The following EPHA6 variants were observed in gnomAD, a reference collection of about 807,000 sequenced individuals.
EPHA6 encodes the protein EPH receptor A6.
Under a neutral mutation model 112.0 loss-of-function variants are expected in EPHA6, and 50 were observed. The observed-to-expected ratio is 0.45, with a 90% CI of 0.36 to 0.56. The LOEUF is 0.56. Among genes scored for constraint, EPHA6 ranks in the 20% least tolerant of loss-of-function variants. EPHA6 has a pLI of 0.00. For synonymous variants in EPHA6, 529 were observed against 490.7 expected, an observed-to-expected ratio of 1.08 and a Z score of -1.03; for missense variants, 1,280 against 1,417.4, an observed-to-expected ratio of 0.90 and a Z score of 1.56.
chr3:97,675,933 G>A (rs997937687), intron 14 of EPHA6, among the ~76,000 whole-genome samples: 2 of 152,132 alleles, frequency 1.3e-5, no homozygotes, highest in Non-Finnish European at 2.9e-5. Context: ...CATTCCTATT[G>A]CATTGGATGT....
At chr3:97,014,718 G>T (rs561059062) in intron 3 of EPHA6, among the ~76,000 whole-genome samples, 80 of 152,182 alleles carry the variant, frequency 5.3e-4, no homozygotes, top group Middle Eastern at 3.4e-3. Flanking sequence ...CATTGCACGT[G>T]GAATGTTTCT....
At chr3:97,069,033 T>C (rs2046271932) in intron 3 of EPHA6, among the ~76,000 whole-genome samples, 1 of 152,112 alleles carries the variant, frequency 6.6e-6, no homozygotes, top group Non-Finnish European at 1.5e-5. Flanking sequence ...CACACACTTA[T>C]AATTGACCCT....
chr3:97,009,985 G>GC (rs1553687419), intron 3 of EPHA6: 1 of 513,642 alleles, frequency 1.9e-6, no homozygotes, highest in African/African-American at 2.1e-5. Flanking sequence ...GCTTATCATT[G>GC]TTTTTTTTTT....
At chr3:97,381,178 C>A (rs2085706973) in intron 5 of EPHA6, among the ~76,000 whole-genome samples, 1 of 151,900 alleles carries the variant, frequency 6.6e-6, no homozygotes, top group Non-Finnish European at 1.5e-5. Context: ...CACTTGAGGG[C>A]ATTTGAGCTA....
intron 2 of EPHA6, among the ~76,000 whole-genome samples, chr3:96,974,206 A>C (rs1168922552): frequency 2.0e-5 from 3 of 147,320 alleles, no homozygotes; most frequent in African/African-American, 4.9e-5. Context: ...TTAAAATTAT[A>C]TTATTAATTA....
At chr3:97,436,052 T>G (rs1159834843) in intron 6 of EPHA6, among the ~76,000 whole-genome samples, 1 of 152,182 alleles carries the variant, frequency 6.6e-6, no homozygotes, top group East Asian at 1.9e-4. Flanking sequence ...AGTGATGAGA[T>G]ATTTAGTTCC....
At chr3:97,407,400 G>A (rs937662773) in intron 6 of EPHA6, among the ~76,000 whole-genome samples, 1 of 151,024 alleles carries the variant, frequency 6.6e-6, no homozygotes. Context: ...TCACCATAGA[G>A]AGCAGTATTC....
chr3:96,894,200 G>A (rs949619034), intron 2 of EPHA6, among the ~76,000 whole-genome samples: 6 of 152,118 alleles, frequency 3.9e-5, no homozygotes, highest in African/African-American at 1.4e-4. Flanking sequence ...AGAACACACT[G>A]CCAATGTGTT....
intron 3 of EPHA6, among the ~76,000 whole-genome samples, chr3:97,151,806 GCAT>G (rs2076177707): frequency 1.3e-5 from 2 of 151,650 alleles, no homozygotes; most frequent in South Asian, 4.2e-4. Context: ...TAACTTTGTG[GCAT>G]CATGAAAATT....
intron 3 of EPHA6, among the ~76,000 whole-genome samples, chr3:97,224,592 ATTC>A (rs1411541621): frequency 2.0e-5 from 3 of 152,172 alleles, no homozygotes; most frequent in Admixed American, 6.5e-5. Flanking sequence ...TATGCTTATA[ATTC>A]TTCTTTATGT....
intron 1 of EPHA6, among the ~76,000 whole-genome samples, chr3:96,854,421 G>A (rs1014926371): frequency 6.6e-6 from 1 of 151,436 alleles, no homozygotes; most frequent in Non-Finnish European, 1.5e-5. Flanking sequence ...TTTATTAAGA[G>A]ATTTTTCTAT....
chr3:97,710,353 G>C (rs1286521184), intron 14 of EPHA6, among the ~76,000 whole-genome samples: 2 of 152,222 alleles, frequency 1.3e-5, no homozygotes, highest in East Asian at 3.8e-4. Flanking sequence ...TAAGGTCACT[G>C]TTCCATTCTA....
At chr3:97,358,580 G>A (rs1286997633) in intron 5 of EPHA6, among the ~76,000 whole-genome samples, 2 of 151,890 alleles carry the variant, frequency 1.3e-5, no homozygotes, top group Non-Finnish European at 2.9e-5. Context: ...ACAAAAAGTG[G>A]AGTTAGAAAC....
At chr3:97,334,318 T>A (rs937623525) in intron 5 of EPHA6, among the ~76,000 whole-genome samples, 2 of 152,144 alleles carry the variant, frequency 1.3e-5, no homozygotes, top group African/African-American at 4.8e-5. Context: ...TTAAAAAGCA[T>A]TCTCTACTCT....
chr3:96,887,589 CT>C (rs1559802085), intron 2 of EPHA6, among the ~76,000 whole-genome samples: 3 of 152,190 alleles, frequency 2.0e-5, no homozygotes, highest in African/African-American at 7.2e-5. Context: ...GGAGGTTATG[CT>C]CTCCAGAGAG....
intron 10 of EPHA6, among the ~76,000 whole-genome samples, chr3:97,498,329 G>T (rs939852799): frequency 1.1e-5 from 1 of 94,320 alleles, no homozygotes; most frequent in Admixed American, 1.1e-4. Flanking sequence ...AAAGAAAATA[G>T]CAAAAAAAAA....
At chr3:97,008,997 C>T (rs1051474527) in intron 3 of EPHA6, among the ~76,000 whole-genome samples, 1 of 152,084 alleles carries the variant, frequency 6.6e-6, no homozygotes, top group Non-Finnish European at 1.5e-5. Context: ...AAGATGGGTG[C>T]CTTCTCCTTC....
At chr3:97,139,132 T>C (rs1354175673) in intron 3 of EPHA6, among the ~76,000 whole-genome samples, 3 of 152,196 alleles carry the variant, frequency 2.0e-5, no homozygotes, top group Non-Finnish European at 4.4e-5. Context: ...CACTCAGCTT[T>C]GTCACCTTCA....
At chr3:96,893,206 G>A (rs1344504151) in intron 2 of EPHA6, among the ~76,000 whole-genome samples, 1 of 152,014 alleles carries the variant, frequency 6.6e-6, no homozygotes, top group East Asian at 1.9e-4. Flanking sequence ...ATATTATTAT[G>A]TACAGTACAT....
Sources: allele counts gnomAD v4.1 joint callset (sites outside exome capture counted in the v4.1 genomes callset), GRCh38; gene constraint gnomAD v4.1.1; transcripts MANE v1.5; gene names NCBI Gene and HGNC (gene_info 2026-07-23, HGNC 2026-07-21).